Variants in MAML3 observed in about 807,000 individuals in gnomAD.
MAML3 encodes mastermind-like protein 3.
MAML3 carries 27 observed loss-of-function variants against 101.9 expected under a neutral mutation model. That is an observed-to-expected ratio of 0.27 (90% CI 0.20 to 0.37). MAML3 has a LOEUF of 0.37. Among genes scored for constraint, MAML3 ranks in the 10% least tolerant of loss-of-function variants. The pLI is 1.00. For missense variants in MAML3, 1,316 were observed against 1,444.9 expected (o/e 0.91, Z 1.45); for synonymous variants, 501 against 555.9 (o/e 0.90, Z 1.39).
chr4:140,066,770 C>T (rs1367794221), intron 1 of MAML3, among the ~76,000 whole-genome samples: 1 of 152,176 alleles, frequency 6.6e-6, no homozygotes, highest in Non-Finnish European at 1.5e-5. Context: ...CAGGACTGCC[C>T]CAGATCTACC....
Position 139,798,034 on chromosome 4 carries a change from G to GAGAAAGAA in MAML3, c.2080-67375_2080-67368dup, listed in dbSNP as rs60781175. On this transcript the variant is annotated intron_variant, in intron 2 of 4. Transcript: ENST00000509479. The stretch of plus-strand genomic sequence containing the variant: ...AAAGGAAGGAAAGAAAGGAGAGAGA[G>GAGAAAGAA]AGAAAGAAAGAAAGAAAGAAAGAAA... 8.2e-3 allele frequency among the ~76,000 whole-genome samples: 1,019 copies of GAGAAAGAA among 124,530 alleles called. 5 individuals carry two copies. Among genetic ancestry groups the GAGAAAGAA allele is most frequent in the East Asian group, 0.012 (50 of 4,250 alleles). The allele number at this position is 124,530 out of a possible 152,430, so 81.7% of individuals were successfully genotyped here. A position where few individuals can be genotyped will look rare whatever the true frequency, so the allele number is the denominator to read the frequency against.
chr4:140,072,843 A>G (rs1727684434), intron 1 of MAML3, among the ~76,000 whole-genome samples: 2 of 152,122 alleles, frequency 1.3e-5, no homozygotes, highest in African/African-American at 2.4e-5. Context: ...GAAAAATATA[A>G]AAGGGAGGTA....
At chr4:139,811,116 C>T (rs1289016696) in intron 2 of MAML3, among the ~76,000 whole-genome samples, 1 of 152,216 alleles carries the variant, frequency 6.6e-6, no homozygotes, top group East Asian at 1.9e-4. Context: ...AGTTACATTT[C>T]CTCTCATCTG....
chr4:139,919,458 CT>C (rs1283283410), intron 1 of MAML3, among the ~76,000 whole-genome samples: 1 of 152,130 alleles, frequency 6.6e-6, no homozygotes, highest in East Asian at 1.9e-4. Flanking sequence ...GATGTCATAA[CT>C]TTTTTATGTA....
chr4:139,863,156 A>C (rs1404780014), intron 2 of MAML3, among the ~76,000 whole-genome samples: 6 of 148,160 alleles, frequency 4.0e-5, no homozygotes, highest in African/African-American at 1.5e-4. Flanking sequence ...TCTCCAAAAA[A>C]AAAAAAAAAA....
chr4:139,797,916 A>G (rs554729732), intron 2 of MAML3, among the ~76,000 whole-genome samples: 11 of 152,124 alleles, frequency 7.2e-5, no homozygotes, highest in African/African-American at 2.4e-4. Flanking sequence ...AAATATCCAT[A>G]TTTTAGAATT....
chr4:139,735,495 A>G lies in MAML3; in HGVS notation c.2080-4828T>C, dbSNP rs1374245891. On this transcript the variant is annotated intron_variant, in intron 2 of 4. Transcript: ENST00000509479. This position sits in a 1 kb window ranked among gnomAD's most constrained non-coding sequence, Gnocchi z 5.8. ...GGGGGGGGAGGGTGGCGGACACCAG[A>G]CCCCAGGGCCGACAGCCCGGGAGGG... 6.7e-6 allele frequency among the ~76,000 whole-genome samples: 1 copy of G among 149,318 alleles called. No homozygotes were observed. The highest frequency in any genetic ancestry group is 2.5e-5 in the African/African-American group (1 of 40,250).
chr4:140,061,242 C>T (rs192299040), intron 1 of MAML3, among the ~76,000 whole-genome samples: 3 of 152,292 alleles, frequency 2.0e-5, no homozygotes, highest in Admixed American at 2.0e-4. Context: ...AGGAATCGGA[C>T]TCAAAAGAAA....
intron 1 of MAML3, among the ~76,000 whole-genome samples, chr4:140,051,968 T>C (rs1468380550): frequency 6.6e-6 from 1 of 152,204 alleles, no homozygotes; most frequent in African/African-American, 2.4e-5. Context: ...CTCTTACTGA[T>C]ACCTCACCCC....
intron 1 of MAML3, among the ~76,000 whole-genome samples, chr4:139,991,255 A>G (rs1011757567): frequency 1.3e-5 from 2 of 152,242 alleles, no homozygotes; most frequent in African/African-American, 4.8e-5. Context: ...TCGCGTATCT[A>G]CAACTATCTG....
chr4:140,060,538 C>G (rs1727430236), intron 1 of MAML3, among the ~76,000 whole-genome samples: 1 of 151,808 alleles, frequency 6.6e-6, no homozygotes, highest in Non-Finnish European at 1.5e-5. Flanking sequence ...GATCTTTGAA[C>G]AGGGCATGTC....
At chr4:139,985,031 A>C (rs1017553169) in intron 1 of MAML3, among the ~76,000 whole-genome samples, 3 of 152,230 alleles carry the variant, frequency 2.0e-5, no homozygotes, top group Non-Finnish European at 4.4e-5. Context: ...AGATTCTGGC[A>C]GTTTTTGATT....
intron 2 of MAML3, among the ~76,000 whole-genome samples, chr4:139,784,715 T>C (rs932564484): frequency 6.6e-6 from 1 of 152,234 alleles, no homozygotes; most frequent in African/African-American, 2.4e-5. Flanking sequence ...CCAATTAAAC[T>C]GGAAGGGTAC....
chr4:139,952,021 C>T (rs534666128), intron 1 of MAML3, among the ~76,000 whole-genome samples: 6 of 152,166 alleles, frequency 3.9e-5, no homozygotes, highest in South Asian at 2.1e-4. Flanking sequence ...AAAAATTAGC[C>T]GTGTGTAGCG....
chr4:139,889,880 G>A lies in MAML3; in HGVS notation c.1556C>T (p.Ser519Phe), dbSNP rs1732428304. 2 of 1,613,400 alleles carry A rather than the reference G, an allele frequency of 1.2e-6. No individual in the cohort carries two copies. The highest frequency in any genetic ancestry group is 1.7e-5 in the Admixed American group (1 of 59,968). Residue 519 changes from serine to phenylalanine, a missense_variant, in exon 2 of 5, where the codon TCT becomes TTT. Physicochemically the swap from Ser to Phe is radical, Grantham distance 155 (BLOSUM62 -2). Coordinates refer to ENST00000509479, the MANE Select transcript of MAML3 (RefSeq NM_018717.5). ...TGGACTAGAGGGAGGTCCTAAGGGAGACCAATTTGAAGTCTGATTTGAGTG... is the reference window on the plus strand; with the variant it reads ...TGGACTAGAGGGAGGTCCTAAGGGAAACCAATTTGAAGTCTGATTTGAGTG... ...QQHSNQTSNW[S>F]PLGPPSSPYG...
chr4:140,135,272 C>A (rs1390145618), intron 1 of MAML3, among the ~76,000 whole-genome samples: 1 of 152,190 alleles, frequency 6.6e-6, no homozygotes, highest in Non-Finnish European at 1.5e-5. Context: ...TAGCAGCAAC[C>A]CTGGCTCTAG....
chr4:139,782,708 G>A (rs961237539), intron 2 of MAML3, among the ~76,000 whole-genome samples: 5 of 152,060 alleles, frequency 3.3e-5, no homozygotes, highest in African/African-American at 1.2e-4. Context: ...CTTTACTGCC[G>A]AGGAGCTGGC....
chr4:139,892,917 C>G (rs761918615), intron 1 of MAML3, among the ~76,000 whole-genome samples: 18 of 134,070 alleles, frequency 1.3e-4, no homozygotes, highest in Non-Finnish European at 2.4e-4. Context: ...GGTGATAGAG[C>G]GAGACTCCGT....
At chr4:139,999,065 T>A (rs1734874400) in intron 1 of MAML3, among the ~76,000 whole-genome samples, 1 of 152,192 alleles carries the variant, frequency 6.6e-6, no homozygotes, top group African/African-American at 2.4e-5. Context: ...CTCTTCCTCA[T>A]CTCTTCGATG....
Sources: gnomAD v4.1 joint callset for allele counts (sites outside exome capture counted in the v4.1 genomes callset) on GRCh38, gnomAD v4.1.1 for gene constraint, Gnocchi (gnomAD v3.1) non-coding constraint, MANE v1.5 for transcripts, NCBI Gene and HGNC (gene_info 2026-07-23, HGNC 2026-07-21) for gene names.